THADA: variants seen among roughly 807,000 people sequenced by gnomAD.
THADA encodes the protein THADA armadillo repeat containing.
A neutral mutation model predicts 219.8 loss-of-function variants in THADA; 213 were observed. The observed-to-expected ratio is 0.97, with a 90% CI of 0.87 to 1.09. THADA has a LOEUF of 1.09. THADA is among the 50% of genes least tolerant of loss of function. THADA has a pLI of 0.00. For missense variants in THADA, 2,956 were observed against 2,311.3 expected, an observed-to-expected ratio of 1.28 and a Z score of -5.72; for synonymous variants, 1,018 against 828.9, an observed-to-expected ratio of 1.23 and a Z score of -3.92.
rs1667368210 is a variant in THADA at position 43,344,160 on chromosome 2, G to T, written c.4305C>A (p.Ile1435=). Residue 1435 remains isoleucine, a synonymous_variant, in exon 30 of 38, where the codon ATC becomes ATA. Coordinates refer to ENST00000405975, the MANE Select transcript of THADA (RefSeq NM_022065.5). ...NSDFQHELTD[I]TVCTKAKLWL... is the part of the protein sequence containing the mutation. The stretch of plus-strand genomic sequence containing the variant: ...AGAGTTTGGCTTTGGTACAAACAGT[G>T]ATGTCAGTCAGCTCGTGCTGGAAGT... 1 of 1,612,250 alleles carries T rather than the reference G, an allele frequency of 6.2e-7. No individual in the cohort carries two copies. The highest frequency in any genetic ancestry group is 8.5e-7 in the Non-Finnish European group (1 of 1,179,282).
At position 43,515,186 on chromosome 2, in the gene THADA, A is replaced by T. The variant is rs796155547; in HGVS notation, c.3375-6406T>A. 1.3e-3 allele frequency among the ~76,000 whole-genome samples: 28 copies of T among 21,328 alleles called. 1 individual carries two copies. The highest frequency in any genetic ancestry group is 2.4e-3 in the Admixed American group (3 of 1,250). The allele number at this position is 21,328 out of a possible 152,430, so 14.0% of individuals were successfully genotyped here. On this transcript the variant is annotated intron_variant, in intron 22 of 37. Transcript: ENST00000405975. ...ATATAATATATTATATATTATATAT[A>T]ATATATTATATATAATATATAATAT...
rs769766118 is a variant in THADA, at chr2:43,291,771, A to G, written c.4938-3T>C. The G allele has an allele frequency of 1.7e-5, 26 of 1,540,926 alleles. 1 individual carries two copies. In the East Asian group the frequency reaches 6.1e-4, roughly 36 times the overall value. On this transcript the variant is annotated splice_region_variant and splice_polypyrimidine_tract_variant and intron_variant, in intron 33 of 37. Coordinates refer to ENST00000405975, the MANE Select transcript of THADA (RefSeq NM_022065.5). Reference sequence around the variant, plus strand: ...GAGCTACACTCTGAATTTCAGATCTAGAAAAATAAACAAACAAAAAAACAA... The same window carrying G: ...GAGCTACACTCTGAATTTCAGATCTGGAAAAATAAACAAACAAAAAAACAA...
chr2:43,396,767 C>T (rs1674092881), intron 29 of THADA, among the ~76,000 whole-genome samples: 1 of 151,792 alleles, frequency 6.6e-6, no homozygotes, highest in Admixed American at 6.6e-5. Context: ...GCCGAGACTG[C>T]ACCACTGCAC....
At chr2:43,568,775 T>C (rs191458723) in intron 14 of THADA, among the ~76,000 whole-genome samples, 76 of 152,176 alleles carry the variant, frequency 5.0e-4, no homozygotes, top group Non-Finnish European at 8.8e-4. Flanking sequence ...ATAGGTAGTA[T>C]GTCATGCCTG....
chr2:43,342,748 G>C (rs1193056698), intron 30 of THADA, among the ~76,000 whole-genome samples: 10 of 152,170 alleles, frequency 6.6e-5, no homozygotes, highest in African/African-American at 2.2e-4. Context: ...CTTCCTGGAA[G>C]TCCCTGGAGC....
intron 26 of THADA, among the ~76,000 whole-genome samples, chr2:43,467,181 CAAAAAAAA>C (rs70963399): frequency 1.7e-5 from 1 of 58,390 alleles, no homozygotes; most frequent in South Asian, 9.0e-4. Flanking sequence ...GACTCCGTCT[CAAAAAAAA>C]AAAAAAAAAA....
intron 26 of THADA, among the ~76,000 whole-genome samples, chr2:43,439,603 T>C (rs557638869): frequency 1.2e-3 from 179 of 152,238 alleles, no homozygotes; most frequent in African/African-American, 4.2e-3. Flanking sequence ...AAGAGTGTGA[T>C]GCTGGCATAT....
intron 26 of THADA, among the ~76,000 whole-genome samples, chr2:43,466,525 C>T (rs1031980356): frequency 2.0e-5 from 3 of 152,128 alleles, no homozygotes; most frequent in African/African-American, 7.2e-5. Context: ...GGTATGTCTA[C>T]TCTACTTGAT....
chr2:43,271,560 T>C (rs1157005488), intron 36 of THADA, among the ~76,000 whole-genome samples: 1 of 151,784 alleles, frequency 6.6e-6, no homozygotes, highest in Non-Finnish European at 1.5e-5. Flanking sequence ...ATGTGCCAAG[T>C]TCTGAGAATA....
intron 31 of THADA, among the ~76,000 whole-genome samples, chr2:43,311,142 C>T (rs1677462131): frequency 6.6e-6 from 1 of 151,766 alleles, no homozygotes; most frequent in Admixed American, 6.6e-5. Flanking sequence ...TGCCATTGCA[C>T]TCCAGCTTGG....
intron 28 of THADA, among the ~76,000 whole-genome samples, chr2:43,407,133 C>G (rs1675649915): frequency 6.6e-6 from 1 of 152,106 alleles, no homozygotes; most frequent in Non-Finnish European, 1.5e-5. Context: ...GCTCAAAGGC[C>G]AAGTTCTCAA....
chr2:43,246,941 G>A (rs1287091876), intron 36 of THADA, among the ~76,000 whole-genome samples: 2 of 152,226 alleles, frequency 1.3e-5, no homozygotes, highest in Non-Finnish European at 2.9e-5. Flanking sequence ...AACCTTTCAG[G>A]AACATGCCAA....
At chr2:43,314,578 A>T (rs760234969) in intron 31 of THADA, among the ~76,000 whole-genome samples, 2 of 152,338 alleles carry the variant, frequency 1.3e-5, no homozygotes, top group Non-Finnish European at 1.5e-5. Context: ...ATTTCAATGG[A>T]AAATTTCCAA....
chr2:43,410,199 C>T (rs1284965879), intron 28 of THADA, among the ~76,000 whole-genome samples: 2 of 152,100 alleles, frequency 1.3e-5, no homozygotes, highest in African/African-American at 4.8e-5. Context: ...TGAAATACTA[C>T]TATATACTCA....
At chr2:43,381,408 G>A (rs1274237764) in intron 29 of THADA, among the ~76,000 whole-genome samples, 2 of 152,068 alleles carry the variant, frequency 1.3e-5, no homozygotes, top group African/African-American at 4.8e-5. Context: ...GCCTCAGGAG[G>A]TGAAGCTCAA....
chr2:43,333,648 G>C (rs1188430332), intron 30 of THADA, among the ~76,000 whole-genome samples: 1 of 152,150 alleles, frequency 6.6e-6, no homozygotes, highest in East Asian at 1.9e-4. Flanking sequence ...TCCCTGTTAA[G>C]ACTTGCTTCC....
At chr2:43,546,686 T>G (rs1696073867) in intron 20 of THADA, among the ~76,000 whole-genome samples, 1 of 152,130 alleles carries the variant, frequency 6.6e-6, no homozygotes, top group Non-Finnish European at 1.5e-5. Context: ...GAGACTAGGA[T>G]TGCAACCCCT....
rs1370689763 is a variant in THADA at position 43,515,142 on chromosome 2, AAT to A, written c.3375-6364_3375-6363del. 9.1e-3 allele frequency among the ~76,000 whole-genome samples: 47 copies of A among 5,192 alleles called. 9 individuals are homozygous for A. The highest frequency in any genetic ancestry group is 0.021 in the African/African-American group (16 of 748). The allele number at this position is 5,192 out of a possible 152,430, so 3.4% of individuals were successfully genotyped here. Reference sequence around the variant, plus strand: ...ATAATATATTTTATATATAATATATAATATATTTTATATATTATATATAATAT... The same window carrying A: ...ATAATATATTTTATATATAATATATAATATTTTATATATTATATATAATAT... On this transcript the variant is annotated intron_variant, in intron 22 of 37. Coordinates refer to ENST00000405975, the MANE Select transcript of THADA (RefSeq NM_022065.5).
chr2:43,572,769 A>G (rs1699436823), intron 12 of THADA, 45 bp downstream of exon 12: 1 of 1,563,994 alleles, frequency 6.4e-7, no homozygotes, highest in Non-Finnish European at 8.7e-7. Flanking sequence ...GCTACATGAA[A>G]GGGATCTACT....
Sources: gnomAD v4.1 joint callset for allele counts (sites outside exome capture counted in the v4.1 genomes callset) on GRCh38, gnomAD v4.1.1 for gene constraint, MANE v1.5 for transcripts, NCBI Gene and HGNC (gene_info 2026-07-23, HGNC 2026-07-21) for gene names.